Variants in PTPRR observed in about 807,000 individuals in gnomAD.
The protein encoded by PTPRR is receptor-type tyrosine-protein phosphatase R.
PTPRR carries 38 observed loss-of-function variants against 77.2 expected under a neutral mutation model. The ratio of observed to expected loss-of-function variants is 0.49; its 90% CI spans 0.38 to 0.65. PTPRR has a LOEUF of 0.65. Ranked by LOEUF, PTPRR falls within the 30% of genes least tolerant of loss-of-function variation. The pLI is 0.00. For synonymous variants in PTPRR, 299 were observed against 283.1 expected, an observed-to-expected ratio of 1.06 and a Z score of -0.57; for missense variants, 744 against 799.2, an observed-to-expected ratio of 0.93 and a Z score of 0.83.
intron 10 of PTPRR, among the ~76,000 whole-genome samples, chr12:70,675,002 G>T (rs576478062): frequency 1.3e-5 from 2 of 152,074 alleles, no homozygotes; most frequent in Non-Finnish European, 2.9e-5. Flanking sequence ...TCTCTAGTAA[G>T]CTCTCTGATA....
At chr12:70,886,748 A>G (rs917465126) in intron 2 of PTPRR, among the ~76,000 whole-genome samples, 1 of 152,230 alleles carries the variant, frequency 6.6e-6, no homozygotes, top group Non-Finnish European at 1.5e-5. Flanking sequence ...GAGATGTACT[A>G]TTTATTTAAT....
At chr12:70,819,438 A>G (rs1329279477) in intron 2 of PTPRR, among the ~76,000 whole-genome samples, 1 of 152,236 alleles carries the variant, frequency 6.6e-6, no homozygotes, top group African/African-American at 2.4e-5. Flanking sequence ...AATGGAGTCA[A>G]AATTACAAAT....
intron 2 of PTPRR, among the ~76,000 whole-genome samples, chr12:70,782,424 GAC>G (rs1891222457): frequency 1.3e-5 from 2 of 152,064 alleles, no homozygotes; most frequent in African/African-American, 4.8e-5. Context: ...CAATAGCAAA[GAC>G]TTGGAACCAA....
chr12:70,739,378 G>A (rs79075823), intron 6 of PTPRR, among the ~76,000 whole-genome samples: 38 of 152,236 alleles, frequency 2.5e-4, no homozygotes, highest in East Asian at 7.7e-4. Context: ...TAATTAATCC[G>A]TTGAGCCACT....
intron 6 of PTPRR, among the ~76,000 whole-genome samples, chr12:70,731,289 GA>G (rs966560687): frequency 6.6e-6 from 1 of 150,976 alleles, no homozygotes; most frequent in Non-Finnish European, 1.5e-5. Flanking sequence ...CCCCAGAAAT[GA>G]AAAAAAAATG....
At chr12:70,660,869 A>G (rs557589880) in intron 12 of PTPRR, 71 bp downstream of exon 12, 2 of 1,443,744 alleles carry the variant, frequency 1.4e-6, no homozygotes, top group Admixed American at 5.0e-5. Context: ...AGCAAAACCC[A>G]CTTGCACCTG....
At chr12:70,837,183 G>A (rs1892319997) in intron 2 of PTPRR, among the ~76,000 whole-genome samples, 1 of 152,078 alleles carries the variant, frequency 6.6e-6, no homozygotes, top group Non-Finnish European at 1.5e-5. Context: ...ACTGTACACT[G>A]CATTGAGCAT....
intron 5 of PTPRR, among the ~76,000 whole-genome samples, chr12:70,753,667 T>G (rs1052380671): frequency 6.6e-6 from 1 of 152,172 alleles, no homozygotes; most frequent in African/African-American, 2.4e-5. Context: ...TTTATCCACC[T>G]TAAAAATGAA....
In PTPRR at chr12:70,643,137, TTTC is replaced by T. The variant is rs1886069109; in HGVS notation, c.1881-3863_1881-3861del. On this transcript the variant is annotated intron_variant, in intron 13 of 13. Coordinates refer to ENST00000283228, the MANE Select transcript of PTPRR (RefSeq NM_002849.4). ...TCTTAGAAAGGTCAACAGAGTCTTC[TTTC>T]TTCTTATTTTTGATATGGGGTCTTG... Among the ~76,000 whole-genome samples the T allele has an allele frequency of 2.6e-5, 4 of 152,182 alleles. No individual in the cohort carries two copies. In the South Asian group the frequency reaches 6.2e-4, roughly 24 times the overall value.
intron 2 of PTPRR, among the ~76,000 whole-genome samples, chr12:70,882,127 T>A (rs960591721): frequency 6.6e-6 from 1 of 152,194 alleles, no homozygotes; most frequent in South Asian, 2.1e-4. Flanking sequence ...ATCCCCTACA[T>A]CAACATCTTT....
intron 2 of PTPRR, among the ~76,000 whole-genome samples, chr12:70,860,294 G>T (rs1480930991): frequency 6.6e-6 from 1 of 152,060 alleles, no homozygotes; most frequent in Admixed American, 6.6e-5. Flanking sequence ...AAGCACATAT[G>T]AACATACTCC....
At chr12:70,672,544 A>G in intron 10 of PTPRR, 1 of 1,319,802 alleles carries the variant, frequency 7.6e-7, no homozygotes, top group Non-Finnish European at 1.1e-6. Context: ...GCTGGGAAAA[A>G]CCTTCAACAC....
intron 8 of PTPRR, among the ~76,000 whole-genome samples, chr12:70,695,390 T>G (rs1399631208): frequency 6.6e-6 from 1 of 152,206 alleles, no homozygotes; most frequent in African/African-American, 2.4e-5. Context: ...AGTGTGGCTT[T>G]TCTAAGCTAT....
intron 5 of PTPRR, among the ~76,000 whole-genome samples, chr12:70,753,976 A>G (rs1890484878): frequency 6.6e-6 from 1 of 152,182 alleles, no homozygotes; most frequent in Non-Finnish European, 1.5e-5. Context: ...ACTGCATTGC[A>G]ATTACAGCCT....
rs554358940 is a variant in PTPRR, at chr12:70,660,980, G to A, written c.1726C>T (p.Leu576Phe). Residue 576 changes from leucine (L) to phenylalanine (F), a missense_variant, in exon 12 of 14, where the codon CTT becomes TTT. Around this residue, in one of 3 missense-constraint regions of PTPRR, gnomAD observed 170 missense variants for 209.8 expected, o/e 0.81. Transcript: ENST00000283228. ...QLMLDVEEDRLASQGRGPVVV... is the reference protein window; with the variant it reads ...QLMLDVEEDRFASQGRGPVVV... ...ACAGGCCCTCGGCCCTGGGAAGCAA[G>A]TCTGTCTTCTTCTACATCCAGCATG... 2 of 1,613,932 alleles carry A rather than the reference G, an allele frequency of 1.2e-6. No individual in the cohort carries two copies. Among genetic ancestry groups the A allele is most frequent in the African/African-American group, 2.7e-5 (2 of 75,058 alleles).
At chr12:70,774,013 C>T (rs994220669) in intron 2 of PTPRR, among the ~76,000 whole-genome samples, 1 of 152,196 alleles carries the variant, frequency 6.6e-6, no homozygotes, top group Non-Finnish European at 1.5e-5. Flanking sequence ...CTCAGTACAC[C>T]TGGTCATCCT....
chr12:70,781,282 G>A (rs1358153297), intron 2 of PTPRR, among the ~76,000 whole-genome samples: 4 of 152,182 alleles, frequency 2.6e-5, no homozygotes, highest in African/African-American at 7.2e-5. Flanking sequence ...ATCTATGCTT[G>A]TAGACAGGTC....
intron 6 of PTPRR, 23 bp from the exon 7 acceptor site, chr12:70,701,346 G>A (rs1041806111): frequency 2.4e-5 from 39 of 1,602,776 alleles, no homozygotes; most frequent in Non-Finnish European, 3.2e-5. Context: ...AGAATGTTAT[G>A]TTTAAACACC....
chr12:70,674,049 T>C (rs1223692201), intron 10 of PTPRR, among the ~76,000 whole-genome samples: 1 of 152,146 alleles, frequency 6.6e-6, no homozygotes, highest in Non-Finnish European at 1.5e-5. Flanking sequence ...TCCTTTTGCC[T>C]CAGCCTTCTG....
Sources: gnomAD v4.1 joint callset for allele counts (sites outside exome capture counted in the v4.1 genomes callset) on GRCh38, gnomAD v4.1.1 for gene constraint, gnomAD v4.1.1 regional missense constraint, MANE v1.5 for transcripts, NCBI Gene and HGNC (gene_info 2026-07-23, HGNC 2026-07-21) for gene names.